Variants in NALF1 observed in about 807,000 individuals in gnomAD.
NALF1 encodes NALCN channel auxiliary factor 1.
In NALF1, 3 loss-of-function variants were observed where a neutral mutation model predicts 48.4. That is an observed-to-expected ratio of 0.06 (90% CI 0.03 to 0.16). The LOEUF is 0.16. NALF1 is among the 10% of genes least tolerant of loss of function. The pLI is 1.00. For synonymous variants in NALF1, 262 were observed against 245.7 expected (o/e 1.07, Z -0.62); for missense variants, 526 against 571.5 (o/e 0.92, Z 0.81).
chr13:107,612,266 A>C (rs1879252144), intron 1 of NALF1, among the ~76,000 whole-genome samples: 1 of 151,982 alleles, frequency 6.6e-6, no homozygotes. Flanking sequence ...AGGGGAGGGG[A>C]AGAGGAAAAA....
chr13:107,284,235 C>A (rs755750620), intron 1 of NALF1, among the ~76,000 whole-genome samples: 18 of 152,032 alleles, frequency 1.2e-4, no homozygotes, highest in Non-Finnish European at 2.1e-4. Flanking sequence ...CTTACAAAGA[C>A]CCTGGAGAAG....
chr13:107,725,568 G>A (rs1876123557), intron 1 of NALF1, among the ~76,000 whole-genome samples: 1 of 152,108 alleles, frequency 6.6e-6, no homozygotes, highest in Admixed American at 6.6e-5. Context: ...AAAATTACCT[G>A]GGCGCAGAGG....
intron 1 of NALF1, among the ~76,000 whole-genome samples, chr13:107,782,399 G>C (rs976552687): frequency 1.5e-4 from 23 of 152,102 alleles, no homozygotes; most frequent in African/African-American, 5.1e-4. Flanking sequence ...ATCTCGGCTC[G>C]CTACAACCTC....
chr13:107,174,998 C>T (rs1465235754), intron 2 of NALF1, among the ~76,000 whole-genome samples: 1 of 146,978 alleles, frequency 6.8e-6, no homozygotes, highest in African/African-American at 2.5e-5. Context: ...ATTCTCCTGC[C>T]TCAGCCTCCC....
At chr13:107,778,749 T>G (rs1034977835) in intron 1 of NALF1, among the ~76,000 whole-genome samples, 1 of 152,156 alleles carries the variant, frequency 6.6e-6, no homozygotes, top group Non-Finnish European at 1.5e-5. Flanking sequence ...TCAGTTTTCA[T>G]GCTGAACCCT....
At chr13:107,530,511 A>AT (rs549932752) in intron 1 of NALF1, among the ~76,000 whole-genome samples, 27 of 152,054 alleles carry the variant, frequency 1.8e-4, no homozygotes, top group African/African-American at 5.5e-4. Context: ...TATTTGTAAG[A>AT]TTTTTTTTAA....
At chr13:107,744,393 C>T (rs921218762) in intron 1 of NALF1, among the ~76,000 whole-genome samples, 2 of 151,866 alleles carry the variant, frequency 1.3e-5, no homozygotes, top group East Asian at 1.9e-4. Flanking sequence ...AATAAGTAAG[C>T]GAAGTGTTTT....
At chr13:107,620,781 CTA>C (rs1879498630) in intron 1 of NALF1, among the ~76,000 whole-genome samples, 1 of 152,190 alleles carries the variant, frequency 6.6e-6, no homozygotes. Flanking sequence ...TCCCACTGGA[CTA>C]TGTGACAGAG....
chr13:107,797,064 G>GCCA (rs1190154533), intron 1 of NALF1, among the ~76,000 whole-genome samples: 1 of 152,132 alleles, frequency 6.6e-6, no homozygotes, highest in Non-Finnish European at 1.5e-5. Context: ...AAAGATCATG[G>GCCA]CCACCAAAAA....
intron 2 of NALF1, among the ~76,000 whole-genome samples, chr13:107,206,855 A>G (rs1344109448): frequency 1.3e-5 from 2 of 152,220 alleles, no homozygotes; most frequent in Non-Finnish European, 2.9e-5. Context: ...GAGGTCAATA[A>G]GAAAAGTAAG....
At chr13:107,200,843 G>T (rs536000777) in intron 2 of NALF1, among the ~76,000 whole-genome samples, 4 of 152,190 alleles carry the variant, frequency 2.6e-5, no homozygotes, top group Non-Finnish European at 5.9e-5. Context: ...TCGAAAGTAT[G>T]TAATATCAAC....
At chr13:107,584,471 T>C (rs1194269447) in intron 1 of NALF1, among the ~76,000 whole-genome samples, 3 of 152,176 alleles carry the variant, frequency 2.0e-5, no homozygotes, top group African/African-American at 7.2e-5. Flanking sequence ...CACCTGCAGT[T>C]TAACATCATA....
intron 1 of NALF1, among the ~76,000 whole-genome samples, chr13:107,450,292 A>G (rs905198710): frequency 2.6e-5 from 4 of 152,142 alleles, no homozygotes; most frequent in Non-Finnish European, 5.9e-5. Context: ...ACCAAGAAGA[A>G]TGTGGGAAAA....
chr13:107,214,904 G>A (rs1331041915), intron 1 of NALF1, among the ~76,000 whole-genome samples: 1 of 152,126 alleles, frequency 6.6e-6, no homozygotes. Context: ...TACAAATAAG[G>A]AAACGTATAC....
At chr13:107,373,354 A>AG (rs1883280278) in intron 1 of NALF1, among the ~76,000 whole-genome samples, 2 of 152,332 alleles carry the variant, frequency 1.3e-5, no homozygotes, top group South Asian at 4.1e-4. Flanking sequence ...CTGGAGAAGG[A>AG]GAGTAGACCC....
chr13:107,735,627 T>C (rs1876446427), intron 1 of NALF1, among the ~76,000 whole-genome samples: 1 of 152,198 alleles, frequency 6.6e-6, no homozygotes, highest in African/African-American at 2.4e-5. Flanking sequence ...AACAGACCCC[T>C]TAAGGAGTCA....
Position 107,774,645 on chromosome 13 carries a change from T to C in NALF1, c.915+91037A>G, listed in dbSNP as rs1386663695. On this transcript the variant is annotated intron_variant, in intron 1 of 2. Coordinates refer to ENST00000375915, the MANE Select transcript of NALF1 (RefSeq NM_001080396.3). ...ATTTATCCAGCAGCCATTTCTATTA[T>C]GTGCAAGGCTTCCTATTATATGCAA... 2.6e-5 allele frequency among the ~76,000 whole-genome samples: 4 copies of C among 152,352 alleles called. No individual in the cohort carries two copies. The Middle Eastern group carries it at 0.014, about 518-fold the overall frequency.
intron 1 of NALF1, among the ~76,000 whole-genome samples, chr13:107,673,746 C>T (rs956957327): frequency 6.6e-6 from 1 of 152,020 alleles, no homozygotes; most frequent in African/African-American, 2.4e-5. Context: ...CTGATGTGAT[C>T]ACTATACATT....
At chr13:107,632,710 T>G (rs144277964) in intron 1 of NALF1, among the ~76,000 whole-genome samples, 50 of 152,262 alleles carry the variant, frequency 3.3e-4, no homozygotes, top group African/African-American at 1.2e-3. Flanking sequence ...AAGACTAAAT[T>G]TGGTATCACT....
Sources: allele counts gnomAD v4.1 joint callset (sites outside exome capture counted in the v4.1 genomes callset), GRCh38; gene constraint gnomAD v4.1.1; transcripts MANE v1.5; gene names NCBI Gene and HGNC (gene_info 2026-07-23, HGNC 2026-07-21).